INSR: variants seen among roughly 807,000 people sequenced by gnomAD.
INSR encodes the protein insulin receptor.
In INSR, 67 loss-of-function variants were observed where a neutral mutation model predicts 142.6. The ratio of observed to expected loss-of-function variants is 0.47; its 90% confidence interval spans 0.39 to 0.58. The LOEUF (loss-of-function observed/expected upper bound fraction) is 0.58. Among genes scored for constraint, INSR ranks in the 20% least tolerant of loss-of-function variants. The pLI, the probability that INSR is intolerant of heterozygous loss-of-function variation, is 0.00. For synonymous variants in INSR, 756 were observed against 743.1 expected (o/e 1.02, Z -0.28); for missense variants, 1,248 against 1,833.2 (o/e 0.68, Z 5.83).
At chr19:7,121,172 T>C (rs1189385712) in intron 19 of INSR, among the ~76,000 whole-genome samples, 1 of 151,944 alleles carries the variant, frequency 6.6e-6, no homozygotes, top group Non-Finnish European at 1.5e-5. Flanking sequence ...TAATGTTTTG[T>C]ATTTTGAGTA....
At chr19:7,118,801 G>A (rs1427152510) in intron 21 of INSR, among the ~76,000 whole-genome samples, 3 of 147,972 alleles carry the variant, frequency 2.0e-5, no homozygotes, top group Admixed American at 6.9e-5. Context: ...TGTAGTCCTA[G>A]CTACTCGGGA....
intron 2 of INSR, among the ~76,000 whole-genome samples, chr19:7,254,421 G>A (rs1329199354): frequency 1.3e-5 from 2 of 151,980 alleles, no homozygotes. Flanking sequence ...TCCAGCTACT[G>A]GCCAGGCTGA....
chr19:7,213,040 A>C (rs1195427430), intron 2 of INSR, among the ~76,000 whole-genome samples: 1 of 152,098 alleles, frequency 6.6e-6, no homozygotes, highest in Non-Finnish European at 1.5e-5. Context: ...AATAACAGTG[A>C]AGATGCTTTA....
rs1335603310 is a variant in INSR at position 7,113,139 on chromosome 19, A to G, written c.*3917T>C. On this transcript the variant is annotated 3_prime_UTR_variant, in exon 22 of 22. Coordinates refer to ENST00000302850, the MANE Select transcript of INSR (RefSeq NM_000208.4). ...ATGATTAGCACTGGGACTACAGCAC[A>G]TCCATTTACCGGATGACCAGCGCAA... is the stretch of plus-strand genomic sequence containing the variant. 2 of 152,234 alleles carry G rather than the reference A, an allele frequency of 1.3e-5. No homozygotes were observed. The highest frequency in any genetic ancestry group is 2.9e-5 in the Non-Finnish European group (2 of 68,054). 9.4% of individuals were successfully genotyped at this position (152,234 alleles called of 1,614,324 possible). A position where few individuals can be genotyped will look rare whatever the true frequency, so the allele number is the denominator to read the frequency against.
chr19:7,243,413 T>C (rs1976430694), intron 2 of INSR, among the ~76,000 whole-genome samples: 1 of 151,404 alleles, frequency 6.6e-6, no homozygotes, highest in South Asian at 2.1e-4. Context: ...ACCTGGCTAA[T>C]TTTTGTATTT....
At chr19:7,270,200 A>C (rs1387793551) in intron 1 of INSR, among the ~76,000 whole-genome samples, 5 of 152,086 alleles carry the variant, frequency 3.3e-5, no homozygotes, top group African/African-American at 4.8e-5. Context: ...CACCCGCCTC[A>C]GCCTCCCAAA....
At chr19:7,156,299 G>A (rs371063465) in intron 9 of INSR, among the ~76,000 whole-genome samples, 1 of 151,888 alleles carries the variant, frequency 6.6e-6, no homozygotes. Context: ...GACCTCATGT[G>A]ATCTGCCCAC....
Position 7,267,167 on chromosome 19 carries a change from A to T in INSR, c.652+178T>A, listed in dbSNP as rs144683324. On this transcript the variant is annotated intron_variant, in intron 2 of 21. Transcript: ENST00000302850. This position sits in a 1 kb window ranked among gnomAD's most constrained non-coding sequence, Gnocchi z 6.3. Reference sequence around the variant, plus strand: ...CCATATGGCCTGCAAAATCTGAAGTATCTACTATCTGAGTCTTTACAGAAA... The same window carrying T: ...CCATATGGCCTGCAAAATCTGAAGTTTCTACTATCTGAGTCTTTACAGAAA... 2.0e-5 allele frequency among the ~76,000 whole-genome samples: 3 copies of T among 152,304 alleles called. No individual in the cohort carries two copies. Among genetic ancestry groups the T allele is most frequent in the African/African-American group, 7.2e-5 (3 of 41,580 alleles).
chr19:7,162,774 C>A (rs1010645666), intron 9 of INSR, among the ~76,000 whole-genome samples: 6 of 151,722 alleles, frequency 4.0e-5, no homozygotes, highest in African/African-American at 1.5e-4. Context: ...GAGCCAAGGT[C>A]GCGTCATTGC....
chr19:7,280,648 C>T (rs1411733145), intron 1 of INSR, among the ~76,000 whole-genome samples: 1 of 151,360 alleles, frequency 6.6e-6, no homozygotes, highest in Non-Finnish European at 1.5e-5. Flanking sequence ...ACCCGGGAGG[C>T]GGAGGTTGTG....
chr19:7,128,787 TC>T, intron 15 of INSR, 64 bp downstream of exon 15: 1 of 1,089,948 alleles, frequency 9.2e-7, no homozygotes, highest in African/African-American at 1.5e-5. Flanking sequence ...TATACCTATA[TC>T]AAGGCATGTT....
At chr19:7,154,300 CTTTTTTT>C (rs762914829) in intron 9 of INSR, among the ~76,000 whole-genome samples, 2 of 107,292 alleles carry the variant, frequency 1.9e-5, no homozygotes, top group Non-Finnish European at 1.8e-5. Context: ...ACCACAATTA[CTTTTTTT>C]TTTTTTTTTT....
chr19:7,262,546 C>A, intron 2 of INSR, among the ~76,000 whole-genome samples: 1 of 152,280 alleles, frequency 6.6e-6, no homozygotes, highest in East Asian at 1.9e-4. Context: ...AAGCTAGATG[C>A]GTCAACAGCA....
intron 2 of INSR, among the ~76,000 whole-genome samples, chr19:7,202,996 G>GTTTTTTTTTTTTTT (rs371572449): frequency 2.7e-4 from 18 of 67,754 alleles, no homozygotes; most frequent in African/African-American, 3.8e-4. Context: ...GGGTTTTGTT[G>GTTTTTTTTTTTTTT]TTTTTTTTTT....
chr19:7,186,855 C>G (rs1180892256), intron 2 of INSR, among the ~76,000 whole-genome samples: 3 of 151,918 alleles, frequency 2.0e-5, no homozygotes, highest in Admixed American at 2.0e-4. Flanking sequence ...CAGACGCCCA[C>G]CACCACACCC....
rs564487100 is a variant in INSR, at chr19:7,119,051, GA to G, written c.3794+397del. Among the ~76,000 whole-genome samples the G allele has an allele frequency of 1.1e-4, 17 of 151,644 alleles. No individual in the cohort carries two copies. Among genetic ancestry groups the G allele is most frequent in the Non-Finnish European group, 2.5e-4 (17 of 67,988 alleles). On this transcript the variant is annotated intron_variant, in intron 21 of 21. Coordinates refer to ENST00000302850, the MANE Select transcript of INSR (RefSeq NM_000208.4). This position sits in a 1 kb window ranked among gnomAD's most constrained non-coding sequence, Gnocchi z 5.2. ...AACCTTCCAAAGATACAATATGCAA[GA>G]AAATCATATGATTTGTGAACACAAG...
chr19:7,255,079 C>T (rs115371859), intron 2 of INSR, among the ~76,000 whole-genome samples: 255 of 142,946 alleles, frequency 1.8e-3, no homozygotes, highest in African/African-American at 6.2e-3. Flanking sequence ...ATTGTAAATT[C>T]GTTATCTTCA....
intron 13 of INSR, among the ~76,000 whole-genome samples, chr19:7,141,213 G>A (rs1973062673): frequency 1.3e-5 from 2 of 151,918 alleles, no homozygotes; most frequent in South Asian, 2.1e-4. Flanking sequence ...CCACCACCAC[G>A]CCTGGCTAAT....
intron 2 of INSR, among the ~76,000 whole-genome samples, chr19:7,185,011 C>T (rs957288105): frequency 2.0e-5 from 3 of 152,192 alleles, no homozygotes; most frequent in Non-Finnish European, 2.9e-5. Context: ...ACAAAAGATA[C>T]ACAGTAGCAT....
Sources: gnomAD v4.1 joint callset for allele counts (sites outside exome capture counted in the v4.1 genomes callset) on GRCh38, gnomAD v4.1.1 for gene constraint, Gnocchi (gnomAD v3.1) non-coding constraint, MANE v1.5 for transcripts, NCBI Gene and HGNC (gene_info 2026-07-23, HGNC 2026-07-21) for gene names.